TAF1B: variants seen among roughly 807,000 people sequenced by gnomAD.
The protein encoded by TAF1B is TATA-box binding protein associated factor, RNA polymerase I subunit B.
In TAF1B, 61 loss-of-function variants were observed where a neutral mutation model predicts 83.9. The observed-to-expected ratio is 0.73, with a 90% confidence interval of 0.59 to 0.90. The LOEUF (loss-of-function observed/expected upper bound fraction) is 0.90. Among genes scored for constraint, TAF1B ranks in the 40% least tolerant of loss-of-function variants. TAF1B has a pLI of 0.00. For synonymous variants in TAF1B, 221 were observed against 224.6 expected, an observed-to-expected ratio of 0.98 and a Z score of 0.14; for missense variants, 625 against 677.0, an observed-to-expected ratio of 0.92 and a Z score of 0.85.
intron 2 of TAF1B, chr2:9,845,610 T>G: frequency 3.2e-6 from 1 of 315,188 alleles, no homozygotes; most frequent in Non-Finnish European, 6.2e-6. Context: ...ATGCATTTCT[T>G]TTTATCAGTT....
chr2:9,881,405 A>G (rs956582754), intron 7 of TAF1B, among the ~76,000 whole-genome samples: 6 of 151,968 alleles, frequency 3.9e-5, no homozygotes, highest in African/African-American at 1.4e-4. Flanking sequence ...ATGTCAGCCC[A>G]GCTCTTCAAG....
chr2:9,930,234 G>C (rs1206255780), intron 14 of TAF1B, among the ~76,000 whole-genome samples: 1 of 151,764 alleles, frequency 6.6e-6, no homozygotes, highest in Non-Finnish European at 1.5e-5. Flanking sequence ...GAATTTGTTT[G>C]CTCATGCTTC....
chr2:9,875,630 A>G (rs1284668213), intron 6 of TAF1B, among the ~76,000 whole-genome samples: 1 of 152,102 alleles, frequency 6.6e-6, no homozygotes, highest in Non-Finnish European at 1.5e-5. Flanking sequence ...CGTGAGATGT[A>G]TTCACTCTCA....
chr2:9,861,630 G>C (rs1434727015), intron 5 of TAF1B, among the ~76,000 whole-genome samples: 1 of 152,242 alleles, frequency 6.6e-6, no homozygotes, highest in Admixed American at 6.5e-5. Context: ...TGAGATCTGA[G>C]AACGGGCAGA....
chr2:9,888,603 C>T (rs1304764918), intron 8 of TAF1B, among the ~76,000 whole-genome samples: 4 of 151,802 alleles, frequency 2.6e-5, no homozygotes, highest in Admixed American at 2.6e-4. Context: ...TTAAAGATGT[C>T]ATTCCATTGT....
intron 8 of TAF1B, among the ~76,000 whole-genome samples, chr2:9,901,817 C>G (rs992604281): frequency 3.9e-5 from 6 of 151,918 alleles, no homozygotes; most frequent in African/African-American, 1.5e-4. Flanking sequence ...TTTCTTTTCT[C>G]TCTTTAAAAT....
At chr2:9,876,728 C>T (rs1664331174) in intron 7 of TAF1B, among the ~76,000 whole-genome samples, 1 of 152,174 alleles carries the variant, frequency 6.6e-6, no homozygotes, top group Non-Finnish European at 1.5e-5. Context: ...CTGGCTTTGC[C>T]ACTTATTTAT....
intron 7 of TAF1B, among the ~76,000 whole-genome samples, chr2:9,876,302 G>T (rs1271860780): frequency 2.0e-5 from 3 of 152,172 alleles, no homozygotes; most frequent in African/African-American, 7.2e-5. Flanking sequence ...TGACATTTAA[G>T]TACCTGAGTA....
At chr2:9,892,657 C>T (rs1031058294) in intron 8 of TAF1B, among the ~76,000 whole-genome samples, 1 of 152,178 alleles carries the variant, frequency 6.6e-6, no homozygotes, top group African/African-American at 2.4e-5. Context: ...TATATCAGTA[C>T]ACGTTTTCTT....
chr2:9,864,997 A>G (rs1663922956), intron 5 of TAF1B, among the ~76,000 whole-genome samples: 1 of 152,236 alleles, frequency 6.6e-6, no homozygotes, highest in Admixed American at 6.5e-5. Context: ...TGAATGGACA[A>G]AAACTGGAAG....
chr2:9,931,348 T>C (rs551538509), intron 14 of TAF1B, among the ~76,000 whole-genome samples: 1 of 152,334 alleles, frequency 6.6e-6, no homozygotes, highest in African/African-American at 2.4e-5. Flanking sequence ...CAGGAGCTCT[T>C]GTAAGGCAGG....
chr2:9,856,996 G>A (rs776964104), intron 5 of TAF1B, among the ~76,000 whole-genome samples: 2 of 152,170 alleles, frequency 1.3e-5, no homozygotes, highest in Non-Finnish European at 2.9e-5. Flanking sequence ...CTTTTGAGCT[G>A]TATTATCTTG....
In TAF1B at chr2:9,886,980, G is replaced by A. The variant is rs1337591971; in HGVS notation, c.807+4175G>A. Among the ~76,000 whole-genome samples, 6 of 152,152 alleles carry A rather than the reference G, an allele frequency of 3.9e-5. No individual in the cohort carries two copies. In the South Asian group the frequency reaches 6.2e-4, roughly 16 times the overall value. On this transcript the variant is annotated intron_variant, in intron 8 of 14. Coordinates refer to ENST00000263663, the MANE Select transcript of TAF1B (RefSeq NM_005680.3). The stretch of plus-strand genomic sequence containing the variant: ...CTCGGGAGGCTGAGGCAGGAGAATC[G>A]CTTGAACCCAGGAAGCGGAGGTTGC...
chr2:9,918,719 C>A (rs1464864480), intron 12 of TAF1B, among the ~76,000 whole-genome samples: 2 of 152,220 alleles, frequency 1.3e-5, no homozygotes, highest in Non-Finnish European at 2.9e-5. Context: ...TCTGAGGTAG[C>A]TTCACTTTAT....
At chr2:9,928,446 A>G (rs200858981) in intron 14 of TAF1B, among the ~76,000 whole-genome samples, 26,649 of 151,878 alleles carry the variant, frequency 0.18, 2,945 homozygotes, top group East Asian at 0.3. Flanking sequence ...AAATTACCTT[A>G]AGCAGCATGG....
At chr2:9,868,721 T>G (rs1051558905) in intron 6 of TAF1B, 1 of 555,428 alleles carries the variant, frequency 1.8e-6, no homozygotes, top group African/African-American at 1.9e-5. Context: ...GATCTATATG[T>G]GTGGGCTCAG....
chr2:9,856,012 T>A (rs1482670451), intron 5 of TAF1B, among the ~76,000 whole-genome samples: 1 of 152,202 alleles, frequency 6.6e-6, no homozygotes, highest in African/African-American at 2.4e-5. Context: ...CTGAATCTGT[T>A]TGATACACAT....
chr2:9,932,174 C>T (rs1330682583), intron 14 of TAF1B, among the ~76,000 whole-genome samples: 2 of 152,208 alleles, frequency 1.3e-5, no homozygotes, highest in African/African-American at 4.8e-5. Context: ...TCTGTCAGCT[C>T]GTCAAAGTCA....
At chr2:9,902,409 C>G (rs1665209934) in intron 8 of TAF1B, among the ~76,000 whole-genome samples, 1 of 152,104 alleles carries the variant, frequency 6.6e-6, no homozygotes, top group Admixed American at 6.5e-5. Context: ...CCAGTCATGT[C>G]CTACCCACCC....
Sources: gnomAD v4.1 joint callset for allele counts (sites outside exome capture counted in the v4.1 genomes callset) on GRCh38, gnomAD v4.1.1 for gene constraint, MANE v1.5 for transcripts, NCBI Gene and HGNC (gene_info 2026-07-23, HGNC 2026-07-21) for gene names.